The following LDB2 variants were observed in gnomAD, a reference collection of about 807,000 sequenced individuals.
LDB2 encodes the protein LIM domain-binding protein 2.
In LDB2, 12 loss-of-function variants were observed where a neutral mutation model predicts 44.3. The observed-to-expected ratio is 0.27, with a 90% confidence interval of 0.17 to 0.44. LDB2 has a LOEUF of 0.44. Ranked by LOEUF, LDB2 falls within the 20% of genes least tolerant of loss-of-function variation. The pLI is 1.00. For synonymous variants in LDB2, 164 were observed against 174.8 expected, an observed-to-expected ratio of 0.94 and a Z score of 0.49; for missense variants, 344 against 473.5, an observed-to-expected ratio of 0.73 and a Z score of 2.54.
chr4:16,882,278 T>C (rs1416680252), intron 1 of LDB2, among the ~76,000 whole-genome samples: 2 of 152,218 alleles, frequency 1.3e-5, no homozygotes, highest in Non-Finnish European at 2.9e-5. Context: ...AATGAGTCAA[T>C]GCAATTCCAT....
chr4:16,760,139 C>T (rs1240161064), intron 1 of LDB2, among the ~76,000 whole-genome samples: 1 of 152,146 alleles, frequency 6.6e-6, no homozygotes, highest in Non-Finnish European at 1.5e-5. Context: ...TCCCAAAATT[C>T]TTAAGCACCA....
rs148375577 is a variant in LDB2, at chr4:16,720,386, C to T, written c.235+38772G>A. Among the ~76,000 whole-genome samples, 5 of 152,238 alleles carry T rather than the reference C, an allele frequency of 3.3e-5. No homozygotes were observed. The East Asian group carries it at 5.8e-4, about 18-fold the overall frequency. Reference sequence around the variant, plus strand: ...CAGCTCACACCTGAAAGTTCCAGCTCGCTCATCTCCATTGGCCTGCCAAAT... The same window carrying T: ...CAGCTCACACCTGAAAGTTCCAGCTTGCTCATCTCCATTGGCCTGCCAAAT... On this transcript the variant is annotated intron_variant, in intron 2 of 7. Coordinates refer to ENST00000304523, the MANE Select transcript of LDB2 (RefSeq NM_001290.5).
intron 5 of LDB2, among the ~76,000 whole-genome samples, chr4:16,521,517 A>G (rs1482274212): frequency 6.6e-6 from 1 of 152,134 alleles, no homozygotes; most frequent in African/African-American, 2.4e-5. Flanking sequence ...CTCCCAAATA[A>G]GGTCACATTC....
chr4:16,628,945 A>T lies in LDB2; in HGVS notation c.236-33070T>A, dbSNP rs572884007. Among the ~76,000 whole-genome samples, 350 of 152,298 alleles carry T rather than the reference A, an allele frequency of 2.3e-3. 1 individual carries two copies. Among genetic ancestry groups the T allele is most frequent in the Non-Finnish European group, 4.1e-3 (276 of 68,034 alleles). On this transcript the variant is annotated intron_variant, in intron 2 of 7. Coordinates refer to ENST00000304523, the MANE Select transcript of LDB2 (RefSeq NM_001290.5). ...GGTCTCACAACCGGTAGACCAGGAG[A>T]TCCCCCACCCTGTGCCTGGCTCAGT...
At chr4:16,505,703 G>A (rs952927750) in intron 7 of LDB2, 15 of 670,382 alleles carry the variant, frequency 2.2e-5, no homozygotes, top group South Asian at 8.5e-5. Context: ...AGACAACAGC[G>A]AGCCATCTGA....
At chr4:16,682,414 C>T (rs1004796800) in intron 2 of LDB2, among the ~76,000 whole-genome samples, 6 of 152,190 alleles carry the variant, frequency 3.9e-5, no homozygotes, top group South Asian at 2.1e-4. Context: ...ACCAACTGAA[C>T]GCTCTGCCTC....
chr4:16,589,616 T>G (rs1718203782), intron 3 of LDB2, among the ~76,000 whole-genome samples: 1 of 152,174 alleles, frequency 6.6e-6, no homozygotes, highest in Non-Finnish European at 1.5e-5. Flanking sequence ...TAGTTCCTAT[T>G]TTATTTACCA....
intron 2 of LDB2, among the ~76,000 whole-genome samples, chr4:16,713,904 C>A (rs79156510): frequency 0.012 from 1,873 of 152,268 alleles, 25 homozygotes; most frequent in Non-Finnish European, 0.018. Flanking sequence ...CCATTGCATT[C>A]TGTGTGGATG....
intron 1 of LDB2, among the ~76,000 whole-genome samples, chr4:16,833,446 T>C (rs980360912): frequency 2.0e-5 from 3 of 152,214 alleles, no homozygotes; most frequent in African/African-American, 7.2e-5. Flanking sequence ...ATTCTTTGTA[T>C]ACTTATTGAG....
intron 2 of LDB2, among the ~76,000 whole-genome samples, chr4:16,602,164 T>G (rs1466882200): frequency 6.6e-6 from 1 of 152,180 alleles, no homozygotes; most frequent in Non-Finnish European, 1.5e-5. Context: ...AGGTAACTAC[T>G]ACAGGCCAGA....
intron 2 of LDB2, among the ~76,000 whole-genome samples, chr4:16,658,583 T>C (rs1191592545): frequency 6.6e-6 from 1 of 152,172 alleles, no homozygotes; most frequent in Non-Finnish European, 1.5e-5. Flanking sequence ...AGATTTTTAT[T>C]TGAAAGCTCC....
intron 1 of LDB2, among the ~76,000 whole-genome samples, chr4:16,790,219 CTGA>C (rs1266056719): frequency 6.6e-6 from 1 of 152,176 alleles, no homozygotes. Context: ...CTCCAAGAGG[CTGA>C]TGAGTTTAGC....
chr4:16,525,578 A>T (rs1201227115), intron 5 of LDB2, among the ~76,000 whole-genome samples: 1 of 152,190 alleles, frequency 6.6e-6, no homozygotes, highest in African/African-American at 2.4e-5. Context: ...TCACTAATTC[A>T]TTCATTCAAC....
chr4:16,863,704 A>C (rs1291554914), intron 1 of LDB2, among the ~76,000 whole-genome samples: 2 of 118,978 alleles, frequency 1.7e-5, no homozygotes, highest in Non-Finnish European at 3.2e-5. Context: ...TCTGTTACCC[A>C]GGCTAGAGCG....
chr4:16,746,302 C>G (rs1764372382), intron 2 of LDB2, among the ~76,000 whole-genome samples: 1 of 152,216 alleles, frequency 6.6e-6, no homozygotes, highest in Non-Finnish European at 1.5e-5. Context: ...ACACCAAGAA[C>G]CAACTACGTG....
intron 3 of LDB2, 50 bp from the exon 4 acceptor site, chr4:16,588,882 A>G (rs758397394): frequency 6.2e-7 from 1 of 1,602,436 alleles, no homozygotes; most frequent in Non-Finnish European, 8.5e-7. Flanking sequence ...TGTGAAAGCC[A>G]CATTTTGTAA....
intron 1 of LDB2, among the ~76,000 whole-genome samples, chr4:16,891,715 T>G (rs899820557): frequency 1.3e-5 from 2 of 152,214 alleles, no homozygotes; most frequent in African/African-American, 4.8e-5. Context: ...TTGGTCCCTT[T>G]GAAAATTAAG....
chr4:16,778,092 C>T (rs1772349687), intron 1 of LDB2, among the ~76,000 whole-genome samples: 1 of 152,164 alleles, frequency 6.6e-6, no homozygotes, highest in Admixed American at 6.5e-5. Flanking sequence ...ACTTTATATT[C>T]TCCATCAGTA....
intron 1 of LDB2, among the ~76,000 whole-genome samples, chr4:16,830,527 T>C (rs1783876090): frequency 2.0e-5 from 3 of 152,156 alleles, no homozygotes; most frequent in Admixed American, 1.3e-4. Context: ...AATCCACATA[T>C]GTGTGGAGGA....
Sources: gnomAD v4.1 joint callset for allele counts (sites outside exome capture counted in the v4.1 genomes callset) on GRCh38, gnomAD v4.1.1 for gene constraint, MANE v1.5 for transcripts, NCBI Gene and HGNC (gene_info 2026-07-23, HGNC 2026-07-21) for gene names.